The following LIPA variants were observed in gnomAD, a reference collection of about 807,000 sequenced individuals.
The protein encoded by LIPA is lipase A, lysosomal acid type.
A neutral mutation model predicts 40.6 loss-of-function variants in LIPA; 26 were observed. The observed-to-expected ratio is 0.64, with a 90% CI of 0.47 to 0.89. The LOEUF is 0.89. Among genes scored for constraint, LIPA ranks in the 40% least tolerant of loss-of-function variants. The probability of loss-of-function intolerance (pLI) is 0.00; values close to 1 mark genes in which losing one functional copy is unlikely to be tolerated. For synonymous variants in LIPA, 188 were observed against 168.4 expected (o/e 1.12, Z -0.90); for missense variants, 455 against 479.6 (o/e 0.95, Z 0.48).
intron 2 of LIPA, chr10:89,404,169 C>CT (rs1844492079): frequency 6.5e-6 from 1 of 152,926 alleles, no homozygotes; most frequent in South Asian, 2.1e-4. Context: ...TGCCATTGGA[C>CT]TTTTTCCACT....
At chr10:89,218,523 C>A (rs2133418206) in intron 8 of LIPA, among the ~76,000 whole-genome samples, 1 of 152,308 alleles carries the variant, frequency 6.6e-6, no homozygotes, top group Non-Finnish European at 1.5e-5. Flanking sequence ...TACATGGCTG[C>A]CAAGATAGAA....
intron 4 of LIPA, 142 bp downstream of exon 4, chr10:89,228,058 T>C (rs960347510): frequency 6.9e-6 from 5 of 721,346 alleles, no homozygotes; most frequent in African/African-American, 3.5e-5. Context: ...CCTAGCAACA[T>C]TTAAAACCTT....
chr10:89,290,891 G>C (rs1843370203), intron 1 of LIPA, among the ~76,000 whole-genome samples: 1 of 152,216 alleles, frequency 6.6e-6, no homozygotes, highest in African/African-American at 2.4e-5. Context: ...ACGTGGAAAA[G>C]AGTGAAACTA....
At chr10:89,227,182 T>C (rs1842780857) in intron 4 of LIPA, among the ~76,000 whole-genome samples, 178 bp from the exon 5 acceptor site, 1 of 152,250 alleles carries the variant, frequency 6.6e-6, no homozygotes, top group Non-Finnish European at 1.5e-5. Flanking sequence ...CTTCCAGTTG[T>C]GTCTCCCAAA....
chr10:89,335,289 G>A (rs1413324324), intron 1 of LIPA: 7 of 152,076 alleles, frequency 4.6e-5, no homozygotes, highest in East Asian at 1.9e-4. Context: ...GCCAGCTCTC[G>A]CATTGGTAAA....
Position 89,215,630 on chromosome 10 carries a change from C to T in LIPA, c.966+308G>A, listed in dbSNP as rs142549564. Among the ~76,000 whole-genome samples the T allele has an allele frequency of 2.8e-3, 419 of 152,268 alleles. 1 individual carries two copies. Among genetic ancestry groups the T allele is most frequent in the African/African-American group, 9.2e-3 (382 of 41,558 alleles). On this transcript the variant is annotated intron_variant, in intron 9 of 9. Transcript: ENST00000336233. The stretch of plus-strand genomic sequence containing the variant: ...TAAGCAATGTAATCTGGCCAAGGCC[C>T]CATAGCTACCAGATAACAGACATAG...
At chr10:89,389,067 A>T (rs1187856802) in intron 2 of LIPA, among the ~76,000 whole-genome samples, 4 of 152,244 alleles carry the variant, frequency 2.6e-5, no homozygotes, top group Admixed American at 1.3e-4. Flanking sequence ...ACTGAGAATT[A>T]CATTCCTCAG....
intron 2 of LIPA, among the ~76,000 whole-genome samples, chr10:89,351,988 C>A (rs574634263): frequency 1.7e-4 from 26 of 152,154 alleles, no homozygotes; most frequent in Admixed American, 4.6e-4. Flanking sequence ...GCCACGGGGA[C>A]CCCAGGGAAA....
chr10:89,307,030 A>G, intron 1 of LIPA: 2 of 1,614,020 alleles, frequency 1.2e-6, no homozygotes, highest in South Asian at 1.1e-5. Context: ...ATTACTTCCA[A>G]AAGGAATTCA....
intron 1 of LIPA, among the ~76,000 whole-genome samples, chr10:89,267,682 A>G (rs978119070): frequency 2.7e-5 from 4 of 149,844 alleles, no homozygotes; most frequent in African/African-American, 9.8e-5. Context: ...ATACATATGT[A>G]ACTAACCTGC....
chr10:89,235,491 C>A (rs149244609), intron 3 of LIPA, among the ~76,000 whole-genome samples: 1 of 152,236 alleles, frequency 6.6e-6, no homozygotes, highest in Non-Finnish European at 1.5e-5. Context: ...TCCACGACAA[C>A]GCTGCCTTCC....
At chr10:89,303,503 T>G (rs903953445) in intron 1 of LIPA, among the ~76,000 whole-genome samples, 40 of 152,164 alleles carry the variant, frequency 2.6e-4, no homozygotes, top group African/African-American at 9.4e-4. Context: ...GGAGAATAGG[T>G]CCTCACAAGC....
intron 2 of LIPA, among the ~76,000 whole-genome samples, chr10:89,364,955 GCAGA>G (rs1322833968): frequency 1.3e-5 from 2 of 152,222 alleles, no homozygotes; most frequent in Middle Eastern, 3.4e-3. Context: ...GAAATAAGAG[GCAGA>G]AGAAGCCATA....
intron 1 of LIPA, among the ~76,000 whole-genome samples, chr10:89,287,429 C>A (rs777025741): frequency 5.9e-5 from 9 of 152,076 alleles, no homozygotes; most frequent in Non-Finnish European, 1.2e-4. Context: ...TTTTAATTAT[C>A]CCCACCTGCC....
intron 2 of LIPA, among the ~76,000 whole-genome samples, chr10:89,247,149 T>C (rs1843034928): frequency 1.3e-5 from 2 of 151,890 alleles, no homozygotes; most frequent in Non-Finnish European, 2.9e-5. Flanking sequence ...GGTGGACAGA[T>C]CACCTGAGCT....
chr10:89,307,322 G>T (rs780537242), intron 1 of LIPA: 1 of 1,612,602 alleles, frequency 6.2e-7, no homozygotes, highest in Non-Finnish European at 8.5e-7. Context: ...CTCTGAGAGG[G>T]GTTTGGAGTC....
intron 2 of LIPA, among the ~76,000 whole-genome samples, chr10:89,400,036 C>T (rs1410534536): frequency 6.6e-6 from 1 of 152,130 alleles, no homozygotes; most frequent in African/African-American, 2.4e-5. Context: ...TTTAAGACAC[C>T]CACTCTGTTA....
rs148081276 is a variant in LIPA, at chr10:89,404,956, T to A, written c.61+7835A>T. The A allele has an allele frequency of 3.2e-3, 480 of 147,866 alleles. 5 individuals carry two copies. The highest frequency in any genetic ancestry group is 0.011 in the African/African-American group (419 of 38,762). The allele number at this position is 147,866 out of a possible 1,614,324, so 9.2% of individuals were successfully genotyped here. Reference sequence around the variant, plus strand: ...TTCTGGATGATAGAACGAGACCCCATCTCAAAAAAAAAAAAAGTTCTCTCC... The same window carrying A: ...TTCTGGATGATAGAACGAGACCCCAACTCAAAAAAAAAAAAAGTTCTCTCC... On this transcript the variant is annotated intron_variant, in intron 2 of 8. Coordinates refer to the LIPA transcript ENST00000371837.
chr10:89,340,418 C>T (rs1216753312), intron 1 of LIPA: 6 of 200,094 alleles, frequency 3.0e-5, no homozygotes, highest in Middle Eastern at 2.0e-3. Flanking sequence ...ATTAGCCAGG[C>T]GTGGTGGCTG....
Sources: allele counts gnomAD v4.1 joint callset (sites outside exome capture counted in the v4.1 genomes callset), GRCh38; gene constraint gnomAD v4.1.1; transcripts MANE v1.5; gene names NCBI Gene and HGNC (gene_info 2026-07-23, HGNC 2026-07-21).